The following GRIP1 variants were observed in gnomAD, a reference collection of about 807,000 sequenced individuals.
GRIP1 encodes the protein glutamate receptor interacting protein 1.
GRIP1 carries 45 observed loss-of-function variants against 129.9 expected under a neutral mutation model. The ratio of observed to expected loss-of-function variants is 0.35; its 90% confidence interval spans 0.27 to 0.44. The LOEUF (loss-of-function observed/expected upper bound fraction) is 0.44. GRIP1 is among the 20% of genes least tolerant of loss of function. The probability of loss-of-function intolerance (pLI) is 1.00; values close to 1 mark genes in which losing one functional copy is unlikely to be tolerated. For missense variants in GRIP1, 1,196 were observed against 1,396.8 expected, an observed-to-expected ratio of 0.86 and a Z score of 2.29; for synonymous variants, 530 against 520.8, an observed-to-expected ratio of 1.02 and a Z score of -0.24.
intron 1 of GRIP1, among the ~76,000 whole-genome samples, chr12:66,822,289 A>G (rs188303335): frequency 1.8e-4 from 27 of 152,334 alleles, no homozygotes; most frequent in Admixed American, 1.4e-3. Flanking sequence ...AAAAATTCCA[A>G]AACTCAGCAT....
intron 15 of GRIP1, among the ~76,000 whole-genome samples, chr12:66,411,285 G>C (rs1307708841): frequency 1.3e-5 from 2 of 152,146 alleles, no homozygotes; most frequent in African/African-American, 2.4e-5. Context: ...GAAGGAGAAG[G>C]CTCCCATCTT....
intron 4 of GRIP1, among the ~76,000 whole-genome samples, chr12:66,533,887 A>ACACT (rs139244381): frequency 6.8e-6 from 1 of 147,938 alleles, no homozygotes; most frequent in African/African-American, 2.5e-5. Flanking sequence ...ACATACACAC[A>ACACT]CTCTCTCTCT....
intron 1 of GRIP1, among the ~76,000 whole-genome samples, chr12:66,963,484 A>T (rs912182055): frequency 6.6e-6 from 1 of 152,142 alleles, no homozygotes; most frequent in African/African-American, 2.4e-5. Flanking sequence ...TTAGAGATGA[A>T]GAAAAAGAAG....
chr12:66,503,963 C>G lies in GRIP1; in HGVS notation c.724+11656G>C, dbSNP rs370311257. On this transcript the variant is annotated intron_variant, in intron 7 of 24. Transcript: ENST00000359742. The stretch of plus-strand genomic sequence containing the variant: ...CAAGTTAGGCTGTCTTGGAGCTAGG[C>G]TGGCTAAAACAAAAAGGTCATTGTG... Among the ~76,000 whole-genome samples, 57 of 152,204 alleles carry G rather than the reference C, an allele frequency of 3.7e-4. 2 individuals carry two copies. The highest frequency in any genetic ancestry group is 3.4e-3 in the Middle Eastern group (1 of 294).
At chr12:67,068,865 C>T (rs1329533725) in intron 1 of GRIP1, among the ~76,000 whole-genome samples, 1 of 94,908 alleles carries the variant, frequency 1.1e-5, no homozygotes, top group Non-Finnish European at 2.3e-5. Flanking sequence ...CCCCCCCCCC[C>T]CCCGCAAAAA....
intron 5 of GRIP1, among the ~76,000 whole-genome samples, chr12:66,523,776 G>C (rs1463894977): frequency 6.6e-6 from 1 of 152,122 alleles, no homozygotes; most frequent in Non-Finnish European, 1.5e-5. Flanking sequence ...GCTGTATTCA[G>C]GAAACCCATC....
At chr12:66,763,585 C>A (rs765035283) in intron 1 of GRIP1, among the ~76,000 whole-genome samples, 1 of 152,122 alleles carries the variant, frequency 6.6e-6, no homozygotes, top group Non-Finnish European at 1.5e-5. Context: ...TGAGATATTT[C>A]TTTTGTACTG....
chr12:66,438,461 A>G (rs1592866759), intron 13 of GRIP1, among the ~76,000 whole-genome samples: 1 of 151,916 alleles, frequency 6.6e-6, no homozygotes, highest in East Asian at 1.9e-4. Context: ...CAGTAGAGCC[A>G]ACTGCTCTCT....
chr12:67,038,438 G>T (rs1185543785), intron 1 of GRIP1, among the ~76,000 whole-genome samples: 1 of 152,104 alleles, frequency 6.6e-6, no homozygotes, highest in Non-Finnish European at 1.5e-5. Context: ...CCCCTCCTCA[G>T]AGTTTCACAA....
At chr12:66,655,712 C>T (rs2033114394) in intron 1 of GRIP1, among the ~76,000 whole-genome samples, 1 of 151,394 alleles carries the variant, frequency 6.6e-6, no homozygotes, top group Admixed American at 6.6e-5. Context: ...CGGGTTCACG[C>T]CATTCTCCTG....
chr12:66,362,219 T>C (rs922948354), intron 23 of GRIP1, among the ~76,000 whole-genome samples: 2 of 146,890 alleles, frequency 1.4e-5, no homozygotes, highest in African/African-American at 5.1e-5. Flanking sequence ...AGTGGTGTGA[T>C]CTCGGCTCAC....
At chr12:66,986,595 G>A (rs912602826) in intron 1 of GRIP1, among the ~76,000 whole-genome samples, 7 of 147,500 alleles carry the variant, frequency 4.7e-5, no homozygotes, top group African/African-American at 1.0e-4. Flanking sequence ...ACCAAACACC[G>A]CATGTTCTCA....
intron 1 of GRIP1, among the ~76,000 whole-genome samples, chr12:67,068,692 A>AC (rs1321094896): frequency 1.4e-4 from 18 of 132,812 alleles, no homozygotes; most frequent in Non-Finnish European, 2.7e-4. Flanking sequence ...GCCCACCATC[A>AC]CCCCCCAGCA....
intron 1 of GRIP1, among the ~76,000 whole-genome samples, chr12:66,655,973 G>A (rs2033130835): frequency 6.6e-6 from 1 of 152,076 alleles, no homozygotes; most frequent in Non-Finnish European, 1.5e-5. Context: ...ATCATTTGAG[G>A]GAAATTAGAT....
At chr12:66,561,717 T>C (rs2062538117) in intron 2 of GRIP1, among the ~76,000 whole-genome samples, 1 of 151,948 alleles carries the variant, frequency 6.6e-6, no homozygotes, top group African/African-American at 2.4e-5. Flanking sequence ...AGAACTGAAG[T>C]ATATGGCTTA....
chr12:66,663,538 A>C (rs1375298318), intron 1 of GRIP1, among the ~76,000 whole-genome samples: 1 of 152,152 alleles, frequency 6.6e-6, no homozygotes, highest in Non-Finnish European at 1.5e-5. Flanking sequence ...AAATGATTTG[A>C]CAGATTCAAA....
intron 7 of GRIP1, among the ~76,000 whole-genome samples, chr12:66,489,818 A>G (rs1484915839): frequency 1.3e-5 from 2 of 152,168 alleles, no homozygotes; most frequent in Admixed American, 6.5e-5. Flanking sequence ...CCTAACACCA[A>G]CAACAAATCT....
At chr12:66,815,244 G>A (rs774939207) in intron 1 of GRIP1, among the ~76,000 whole-genome samples, 4 of 152,162 alleles carry the variant, frequency 2.6e-5, no homozygotes, top group Non-Finnish European at 5.9e-5. Context: ...TCTCATGGAT[G>A]AGGGTGGTAT....
chr12:66,704,657 T>C (rs1448844987), intron 1 of GRIP1, among the ~76,000 whole-genome samples: 1 of 152,066 alleles, frequency 6.6e-6, no homozygotes, highest in African/African-American at 2.4e-5. Flanking sequence ...GTTAACAGAG[T>C]ATCACTTTCC....
Sources: allele counts gnomAD v4.1 joint callset (sites outside exome capture counted in the v4.1 genomes callset), GRCh38; gene constraint gnomAD v4.1.1; transcripts MANE v1.5; gene names NCBI Gene and HGNC (gene_info 2026-07-23, HGNC 2026-07-21).